Variants in SMG6 observed in about 807,000 individuals in gnomAD.
SMG6 encodes the protein telomerase-binding protein EST1A.
Under a neutral mutation model 142.2 loss-of-function variants are expected in SMG6, and 66 were observed. The ratio of observed to expected loss-of-function variants is 0.46; its 90% CI spans 0.38 to 0.57. The LOEUF (loss-of-function observed/expected upper bound fraction) is 0.57, where lower values mean the gene tolerates loss of function less well. Ranked by LOEUF, SMG6 falls within the 20% of genes least tolerant of loss-of-function variation. The probability of loss-of-function intolerance (pLI) is 0.00; values close to 1 mark genes in which losing one functional copy is unlikely to be tolerated. For missense variants in SMG6, 1,793 were observed against 1,832.0 expected, an observed-to-expected ratio of 0.98 and a Z score of 0.39; for synonymous variants, 779 against 702.4, an observed-to-expected ratio of 1.11 and a Z score of -1.72.
intron 13 of SMG6, among the ~76,000 whole-genome samples, chr17:2,153,827 T>G (rs56283049): frequency 3.1e-5 from 3 of 95,448 alleles, no homozygotes; most frequent in Non-Finnish European, 6.2e-5. Flanking sequence ...TGGGGATGCA[T>G]GTAGAGTGTG....
intron 9 of SMG6, chr17:2,237,632 C>T: frequency 2.3e-6 from 2 of 870,884 alleles, no homozygotes; most frequent in Non-Finnish European, 2.8e-6. Flanking sequence ...ACTCCCAATA[C>T]AGGAAGAGGC....
At chr17:2,230,715 T>C (rs951101520) in intron 10 of SMG6, among the ~76,000 whole-genome samples, 2 of 152,172 alleles carry the variant, frequency 1.3e-5, no homozygotes, top group Non-Finnish European at 2.9e-5. Context: ...CTAAGCGGCC[T>C]GTCAAGAGTT....
chr17:2,268,621 C>A (rs1447045445), intron 8 of SMG6, among the ~76,000 whole-genome samples: 1 of 152,070 alleles, frequency 6.6e-6, no homozygotes, highest in Non-Finnish European at 1.5e-5. Context: ...TAAAAAAATA[C>A]AAAAATTAGG....
chr17:2,084,181 A>C (rs2068495576), intron 14 of SMG6, among the ~76,000 whole-genome samples: 1 of 152,204 alleles, frequency 6.6e-6, no homozygotes, highest in Non-Finnish European at 1.5e-5. Flanking sequence ...CTGGGAGCTA[A>C]CCTGGCTGTG....
In SMG6 at chr17:2,188,485, A is replaced by G; in HGVS notation, c.2900T>C (p.Ile967Thr). The change falls in exon 11 of 19, where the codon ATC becomes ACC. Residue 967 changes from isoleucine to threonine, a missense_variant. Ile to Thr is a moderately conservative substitution (Grantham distance 89, BLOSUM62 -1). Around this residue, in one of 3 missense-constraint regions of SMG6, gnomAD observed 1,597 missense variants for 1,584.6 expected, o/e 1.01. Coordinates refer to ENST00000263073, the MANE Select transcript of SMG6 (RefSeq NM_017575.5). ...DCFSEECRSV[I>T]QEQAAALGLA... ...GCCCAGAGCTGCGGCTTGTTCCTGG[A>G]TCACAGAGCGGCACTCCTCCGAGAA... is the stretch of plus-strand genomic sequence containing the variant. 6.2e-7 allele frequency: 1 copy of G among 1,614,168 alleles called. No homozygotes were observed. The highest frequency in any genetic ancestry group is 8.5e-7 in the Non-Finnish European group (1 of 1,180,014).
chr17:2,276,430 G>A (rs1314332641), intron 8 of SMG6, among the ~76,000 whole-genome samples: 3 of 152,160 alleles, frequency 2.0e-5, no homozygotes, highest in African/African-American at 4.8e-5. Flanking sequence ...CGTTGCCCAG[G>A]CTGGAGTGCA....
chr17:2,085,803 C>T lies in SMG6; in HGVS notation c.3456G>A (p.Lys1152=), dbSNP rs970711004. The T allele has an allele frequency of 6.8e-6, 11 of 1,614,156 alleles. No individual in the cohort carries two copies. Among genetic ancestry groups the T allele is most frequent in the Non-Finnish European group, 9.3e-6 (11 of 1,179,994 alleles). ...EEPLLAFKGG[K]YVSVAPVPDT... ...CTGGGACGGGTGCCACTGACACATA[C>T]TTTCCACCCTTGAATGCCAGCAGAG... The change falls in exon 14 of 19, where the codon AAG becomes AAA. Residue 1152 remains lysine, a synonymous_variant. Transcript: ENST00000263073. This position sits in a 1 kb window ranked among gnomAD's most constrained non-coding sequence, Gnocchi z 4.1.
chr17:2,234,598 T>C (rs963686947), intron 10 of SMG6, among the ~76,000 whole-genome samples: 8 of 152,144 alleles, frequency 5.3e-5, no homozygotes, highest in African/African-American at 1.7e-4. Context: ...TAACAACAGC[T>C]ACAAGAAAAA....
chr17:2,207,777 C>T (rs906132370), intron 10 of SMG6, among the ~76,000 whole-genome samples: 2 of 152,136 alleles, frequency 1.3e-5, no homozygotes, highest in African/African-American at 4.8e-5. Flanking sequence ...TATTTTAACA[C>T]TGGTAGCGAG....
At chr17:2,263,024 A>G (rs1036463492) in intron 8 of SMG6, among the ~76,000 whole-genome samples, 4 of 152,216 alleles carry the variant, frequency 2.6e-5, no homozygotes, top group Non-Finnish European at 5.9e-5. Flanking sequence ...GTAAGATAAA[A>G]TAGATAAAAA....
At chr17:2,230,890 G>A (rs1474962416) in intron 10 of SMG6, among the ~76,000 whole-genome samples, 1 of 152,100 alleles carries the variant, frequency 6.6e-6, no homozygotes, top group South Asian at 2.1e-4. Context: ...TCTAAACTGA[G>A]GCATCCTGAA....
At chr17:2,198,951 A>T (rs9913504) in intron 10 of SMG6, among the ~76,000 whole-genome samples, 91 of 42,478 alleles carry the variant, frequency 2.1e-3, no homozygotes, top group African/African-American at 4.6e-3. Flanking sequence ...AAATAAAATT[A>T]AAAAAAAAAA....
rs141569063 is a variant in SMG6, at chr17:2,068,551, G to A, written c.3835+227C>T. On this transcript the variant is annotated intron_variant, in intron 16 of 18. Coordinates refer to ENST00000263073, the MANE Select transcript of SMG6 (RefSeq NM_017575.5). This position sits in a 1 kb window ranked among gnomAD's most constrained non-coding sequence, Gnocchi z 6.7. Reference sequence around the variant, plus strand: ...TGCAGCCTCTGGTTGCTGGGACACAGGAGTCCATTTGCTCAAGCAGTTTAA... The same window carrying A: ...TGCAGCCTCTGGTTGCTGGGACACAAGAGTCCATTTGCTCAAGCAGTTTAA... Among the ~76,000 whole-genome samples, 233 of 152,348 alleles carry A rather than the reference G, an allele frequency of 1.5e-3. 2 individuals are homozygous for A. Among genetic ancestry groups the A allele is most frequent in the African/African-American group, 5.2e-3 (217 of 41,570 alleles).
At chr17:2,261,756 T>C (rs568943595) in intron 8 of SMG6, among the ~76,000 whole-genome samples, 4 of 152,294 alleles carry the variant, frequency 2.6e-5, no homozygotes, top group South Asian at 2.1e-4. Flanking sequence ...AAAAGAAATT[T>C]AGGAATGCAA....
chr17:2,217,909 G>T (rs991208439), intron 10 of SMG6, among the ~76,000 whole-genome samples: 1 of 151,714 alleles, frequency 6.6e-6, no homozygotes, highest in East Asian at 1.9e-4. Context: ...ACTCGGGAGG[G>T]CGAGACAGGA....
At position 2,300,320 on chromosome 17, in the gene SMG6, T is replaced by C; in HGVS notation, c.433A>G (p.Ile145Val). 2 of 1,614,056 alleles carry C rather than the reference T, an allele frequency of 1.2e-6. No homozygotes were observed. Among genetic ancestry groups the C allele is most frequent in the Middle Eastern group, 1.6e-4 (1 of 6,062 alleles). The change falls in exon 2 of 19, where the codon ATC (isoleucine) becomes GTC (valine). Residue 145 changes from isoleucine to valine, a missense_variant. Around this residue, in one of 3 missense-constraint regions of SMG6, gnomAD observed 1,597 missense variants for 1,584.6 expected, o/e 1.01. Coordinates refer to ENST00000263073, the MANE Select transcript of SMG6 (RefSeq NM_017575.5). ...IKRTKKPDLQ[I>V]YQPGRRLQTV... The stretch of plus-strand genomic sequence containing the variant: ...TGCAAACGTCGTCCAGGCTGATAGA[T>C]CTGCAGGTCGGGTTTCTTTGTTCTT...
intron 13 of SMG6, among the ~76,000 whole-genome samples, chr17:2,092,506 C>G (rs539340086): frequency 3.9e-5 from 6 of 152,158 alleles, no homozygotes; most frequent in Admixed American, 3.3e-4. Context: ...GCTGAAGTCT[C>G]TTAGAGAAGG....
chr17:2,158,246 TTTTTTGC>T (rs2071067382), intron 13 of SMG6, among the ~76,000 whole-genome samples: 1 of 152,154 alleles, frequency 6.6e-6, no homozygotes, highest in Non-Finnish European at 1.5e-5. Context: ...TCTTCCAAAG[TTTTTTGC>T]TGCACATATG....
At chr17:2,259,247 G>T (rs1314087296) in intron 8 of SMG6, among the ~76,000 whole-genome samples, 1 of 151,606 alleles carries the variant, frequency 6.6e-6, no homozygotes, top group East Asian at 1.9e-4. Context: ...GGAGATTAAG[G>T]TAAGTAAATA....
Sources: gnomAD v4.1 joint callset for allele counts (sites outside exome capture counted in the v4.1 genomes callset) on GRCh38, gnomAD v4.1.1 for gene constraint, gnomAD v4.1.1 regional missense constraint, Gnocchi (gnomAD v3.1) non-coding constraint, MANE v1.5 for transcripts, NCBI Gene and HGNC (gene_info 2026-07-23, HGNC 2026-07-21) for gene names.